GTF2IRD1: variants seen among roughly 807,000 people sequenced by gnomAD.
GTF2IRD1 encodes the protein GTF2I repeat domain containing 1, also known as general transcription factor II-I repeat domain-containing protein 1.
In GTF2IRD1, 26 loss-of-function variants were observed where a neutral mutation model predicts 113.2. The observed-to-expected ratio is 0.23, with a 90% confidence interval of 0.17 to 0.32. The LOEUF is 0.32. Ranked by LOEUF, GTF2IRD1 falls within the 10% of genes least tolerant of loss-of-function variation. GTF2IRD1 has a pLI of 1.00. For synonymous variants in GTF2IRD1, 484 were observed against 529.1 expected (o/e 0.91, Z 1.17); for missense variants, 864 against 1,280.8 (o/e 0.67, Z 4.97).
At chr7:74,567,863 G>A (rs1554361161) in intron 22 of GTF2IRD1, among the ~76,000 whole-genome samples, 1 of 152,054 alleles carries the variant, frequency 6.6e-6, no homozygotes. Context: ...TCGGCTCACT[G>A]CAACCCCCGC....
At chr7:74,515,768 C>T (rs1428151581) in intron 4 of GTF2IRD1, among the ~76,000 whole-genome samples, 172 bp downstream of exon 4, 1 of 152,138 alleles carries the variant, frequency 6.6e-6, no homozygotes, top group African/African-American at 2.4e-5. Flanking sequence ...TTCCCAGACA[C>T]AGAAGTTCTG....
chr7:74,496,560 G>A (rs1019944288), intron 1 of GTF2IRD1, among the ~76,000 whole-genome samples: 16 of 148,084 alleles, frequency 1.1e-4, no homozygotes, highest in Admixed American at 1.3e-4. Context: ...CGTTTGGGGG[G>A]TGTACATGTG....
chr7:74,454,044 C>G lies in GTF2IRD1; in HGVS notation c.-139C>G, dbSNP rs570332463. ...TCCCTCCCCGCCCTCGCCGCGCCGC[C>G]GTCCTCGCCTCCCTCTGCCTCTCCT... On this transcript the variant is annotated 5_prime_UTR_variant, in exon 1 of 27. Transcript: ENST00000424337. 234 of 150,960 alleles carry G rather than the reference C, an allele frequency of 1.6e-3. 1 individual carries two copies. Among genetic ancestry groups the G allele is most frequent in the African/African-American group, 5.2e-3 (213 of 41,276 alleles). The allele number at this position is 150,960 out of a possible 1,614,324, so 9.4% of individuals were successfully genotyped here.
At chr7:74,458,228 AC>A (rs1278498400) in intron 1 of GTF2IRD1, among the ~76,000 whole-genome samples, 1 of 151,894 alleles carries the variant, frequency 6.6e-6, no homozygotes, top group African/African-American at 2.4e-5. Context: ...TAGGACAGGG[AC>A]CCTTAGTGTG....
chr7:74,519,656 G>A lies in GTF2IRD1; in HGVS notation c.853G>A (p.Gly285Ser), dbSNP rs868957167. 6.2e-7 allele frequency: 1 copy of A among 1,608,010 alleles called. No individual in the cohort carries two copies. Among genetic ancestry groups the A allele is most frequent in the Admixed American group, 1.7e-5 (1 of 59,090 alleles). ...PSCPLAPSDL[G>S]LSRPMPEPKA... ...CTGCCCCCTTGCCCCCAGCGACCTG[G>A]GCCTGAGTCGGCCCATGCCAGAGCC... The change falls in exon 6 of 27, where the codon GGC becomes AGC. Residue 285 changes from glycine to serine, a missense_variant. Coordinates refer to ENST00000424337, the MANE Select transcript of GTF2IRD1 (RefSeq NM_005685.4).
intron 1 of GTF2IRD1, among the ~76,000 whole-genome samples, chr7:74,481,908 G>A (rs1554334714): frequency 6.6e-6 from 1 of 152,232 alleles, no homozygotes; most frequent in African/African-American, 2.4e-5. Context: ...TGGGAGGACT[G>A]TGTGCACCCA....
At chr7:74,475,965 C>T (rs1231840305) in intron 1 of GTF2IRD1, among the ~76,000 whole-genome samples, 2 of 152,098 alleles carry the variant, frequency 1.3e-5, no homozygotes, top group African/African-American at 4.8e-5. Flanking sequence ...AATGGGCTGG[C>T]GGCACCCACT....
intron 22 of GTF2IRD1, among the ~76,000 whole-genome samples, chr7:74,570,547 G>A (rs1212375663): frequency 1.3e-5 from 2 of 152,020 alleles, no homozygotes; most frequent in Admixed American, 6.6e-5. Flanking sequence ...TCAGGTACTC[G>A]GGAGGCTGAG....
chr7:74,521,513 G>T (rs1299484446), intron 7 of GTF2IRD1, among the ~76,000 whole-genome samples: 2 of 152,176 alleles, frequency 1.3e-5, no homozygotes, highest in East Asian at 3.9e-4. Flanking sequence ...TGTAATCCCA[G>T]CACTTTGGGA....
intron 14 of GTF2IRD1, among the ~76,000 whole-genome samples, chr7:74,541,049 C>G (rs1173143477): frequency 2.0e-5 from 3 of 151,038 alleles, no homozygotes; most frequent in African/African-American, 7.3e-5. Flanking sequence ...CAGGCGTGAG[C>G]CACCACACCT....
At chr7:74,524,197 G>A (rs781811028) in intron 8 of GTF2IRD1, 43 bp downstream of exon 8, 1 of 1,295,728 alleles carries the variant, frequency 7.7e-7, no homozygotes, top group African/African-American at 1.5e-5. Context: ...CAGCAGCCGT[G>A]TTGAGCATCT....
At position 74,500,028 on chromosome 7, in the gene GTF2IRD1, G is replaced by A. The variant is rs540289934; in HGVS notation, c.-6-8047G>A. ...TGAGTGAATGAACCTGCCACTTGTG[G>A]AGAGTGAAAAAAGCCTGAGAGATCC... On this transcript the variant is annotated intron_variant, in intron 1 of 26. Transcript: ENST00000424337. 9.8e-5 allele frequency among the ~76,000 whole-genome samples: 15 copies of A among 152,328 alleles called. No individual in the cohort carries two copies. In the South Asian group the frequency reaches 3.1e-3, roughly 32 times the overall value.
At chr7:74,471,731 C>T (rs1241841013) in intron 1 of GTF2IRD1, among the ~76,000 whole-genome samples, 2 of 147,118 alleles carry the variant, frequency 1.4e-5, no homozygotes, top group Admixed American at 6.8e-5. Flanking sequence ...CGGTGGCTGA[C>T]GTCTGTAATC....
chr7:74,560,279 G>A (rs1415742731), intron 22 of GTF2IRD1, among the ~76,000 whole-genome samples: 1 of 151,986 alleles, frequency 6.6e-6, no homozygotes, highest in Non-Finnish European at 1.5e-5. Flanking sequence ...CCTGATAAAG[G>A]GGCTCTGGTT....
At chr7:74,524,405 G>C (rs1181469299) in intron 8 of GTF2IRD1, among the ~76,000 whole-genome samples, 1 of 152,184 alleles carries the variant, frequency 6.6e-6, no homozygotes, top group East Asian at 1.9e-4. Flanking sequence ...CAGTGGCGGG[G>C]AGCGGGACAG....
intron 1 of GTF2IRD1, among the ~76,000 whole-genome samples, chr7:74,480,436 C>G (rs1440784228): frequency 6.6e-6 from 1 of 152,236 alleles, no homozygotes; most frequent in Non-Finnish European, 1.5e-5. Context: ...CTTGTCCGAT[C>G]CCCCAGCCAA....
At chr7:74,483,025 C>T (rs563617750) in intron 1 of GTF2IRD1, among the ~76,000 whole-genome samples, 3 of 152,290 alleles carry the variant, frequency 2.0e-5, no homozygotes, top group South Asian at 4.1e-4. Flanking sequence ...TTGCAATCAG[C>T]GTAGCTGTTA....
intron 22 of GTF2IRD1, among the ~76,000 whole-genome samples, chr7:74,586,972 T>A (rs1801751216): frequency 6.6e-6 from 1 of 151,608 alleles, no homozygotes; most frequent in Non-Finnish European, 1.5e-5. Flanking sequence ...AGAGAGAGAC[T>A]CTCTCTACAA....
At chr7:74,559,141 C>T in intron 21 of GTF2IRD1, 97 bp downstream of exon 21, 1 of 1,158,196 alleles carries the variant, frequency 8.6e-7, no homozygotes, top group Non-Finnish European at 1.2e-6. Flanking sequence ...CCTGCCCTCC[C>T]CCCTGGACAA....
Sources: gnomAD v4.1 joint callset for allele counts (sites outside exome capture counted in the v4.1 genomes callset) on GRCh38, gnomAD v4.1.1 for gene constraint, MANE v1.5 for transcripts, NCBI Gene and HGNC (gene_info 2026-07-23, HGNC 2026-07-21) for gene names.